Variants in RBMS3 observed in about 807,000 individuals in gnomAD.
RBMS3 encodes the protein RNA binding motif single stranded interacting protein 3.
RBMS3 carries 27 observed loss-of-function variants against 66.8 expected under a neutral mutation model. The ratio of observed to expected loss-of-function variants is 0.40; its 90% CI spans 0.30 to 0.56. RBMS3 has a LOEUF of 0.56. Ranked by LOEUF, RBMS3 falls within the 20% of genes least tolerant of loss-of-function variation. The probability of loss-of-function intolerance (pLI) is 0.40; values close to 1 mark genes in which losing one functional copy is unlikely to be tolerated. For synonymous variants in RBMS3, 188 were observed against 183.0 expected (o/e 1.03, Z -0.22); for missense variants, 513 against 549.5 (o/e 0.93, Z 0.66).
At chr3:29,545,785 T>C (rs1360808972) in intron 3 of RBMS3, among the ~76,000 whole-genome samples, 1 of 152,180 alleles carries the variant, frequency 6.6e-6, no homozygotes, top group Non-Finnish European at 1.5e-5. Flanking sequence ...GAGAAGAAAA[T>C]ATCTCACAAG....
intron 1 of RBMS3, among the ~76,000 whole-genome samples, chr3:29,401,754 A>T (rs1440816972): frequency 1.3e-5 from 2 of 152,058 alleles, no homozygotes; most frequent in Non-Finnish European, 2.9e-5. Flanking sequence ...ATTTAATTTT[A>T]TTTAAACTTT....
At chr3:29,949,579 T>C (rs1695543153) in intron 12 of RBMS3, among the ~76,000 whole-genome samples, 1 of 151,788 alleles carries the variant, frequency 6.6e-6, no homozygotes, top group Admixed American at 6.6e-5. Flanking sequence ...CCCTTAAAAT[T>C]CGCATTTTTG....
intron 3 of RBMS3, among the ~76,000 whole-genome samples, chr3:29,554,952 T>C (rs940682866): frequency 1.3e-5 from 2 of 152,138 alleles, no homozygotes; most frequent in Admixed American, 1.3e-4. Context: ...TGCATTGATA[T>C]GAAGCAAGGT....
intron 3 of RBMS3, among the ~76,000 whole-genome samples, chr3:29,526,499 C>T (rs991051980): frequency 1.7e-5 from 2 of 116,970 alleles, no homozygotes; most frequent in African/African-American, 6.6e-5. Flanking sequence ...CCAGCCTGGA[C>T]GACAGAGCGA....
At chr3:29,635,966 A>G (rs2049457630) in intron 4 of RBMS3, among the ~76,000 whole-genome samples, 1 of 151,670 alleles carries the variant, frequency 6.6e-6, no homozygotes, top group Non-Finnish European at 1.5e-5. Context: ...TTACAATACC[A>G]TAAGGCCACT....
chr3:29,559,551 A>AAAAAAAAAAAAG, intron 3 of RBMS3, among the ~76,000 whole-genome samples: 1 of 143,640 alleles, frequency 7.0e-6, no homozygotes, highest in Non-Finnish European at 1.5e-5. Context: ...AAAAAAAAAA[A>AAAAAAAAAAAAG]AACCTGACTA....
intron 4 of RBMS3, among the ~76,000 whole-genome samples, chr3:29,636,621 A>G (rs2049484258): frequency 6.6e-6 from 1 of 151,890 alleles, no homozygotes. Context: ...ATGGGTTTCT[A>G]GTTGTTGGGT....
intron 7 of RBMS3, among the ~76,000 whole-genome samples, chr3:29,878,203 C>T (rs538840117): frequency 1.3e-5 from 2 of 152,166 alleles, no homozygotes; most frequent in South Asian, 4.1e-4. Flanking sequence ...GGCGGTAGTG[C>T]TCGCTTGCCT....
intron 3 of RBMS3, among the ~76,000 whole-genome samples, chr3:29,518,973 A>G (rs573772575): frequency 1.4e-4 from 21 of 152,216 alleles, no homozygotes; most frequent in Non-Finnish European, 2.9e-4. Flanking sequence ...TAAGATCGTA[A>G]TGAACCATTT....
intron 4 of RBMS3, among the ~76,000 whole-genome samples, chr3:29,667,737 C>T (rs1366825107): frequency 6.6e-6 from 1 of 152,084 alleles, no homozygotes; most frequent in East Asian, 1.9e-4. Flanking sequence ...CCCAGTCTTT[C>T]TCTGGCTTTT....
At chr3:29,869,592 A>G (rs963508004) in intron 7 of RBMS3, among the ~76,000 whole-genome samples, 1 of 152,154 alleles carries the variant, frequency 6.6e-6, no homozygotes, top group Non-Finnish European at 1.5e-5. Context: ...ACAGCTCACT[A>G]TCCATTTACC....
At chr3:29,801,272 C>CTTTTTTTCTTTTTTTTTTTT (rs553179866) in intron 6 of RBMS3, among the ~76,000 whole-genome samples, 5 of 129,472 alleles carry the variant, frequency 3.9e-5, no homozygotes, top group African/African-American at 1.5e-4. Flanking sequence ...TGCTTTTTTT[C>CTTTTTTTCTTTTTTTTTTTT]TTTTTTTTTT....
At chr3:29,946,510 G>A (rs980289194) in intron 12 of RBMS3, among the ~76,000 whole-genome samples, 1 of 151,622 alleles carries the variant, frequency 6.6e-6, no homozygotes, top group Non-Finnish European at 1.5e-5. Flanking sequence ...AAGATGAGCA[G>A]AAAATAGACC....
intron 4 of RBMS3, among the ~76,000 whole-genome samples, chr3:29,709,827 A>G (rs1183202544): frequency 1.3e-5 from 2 of 152,236 alleles, no homozygotes; most frequent in East Asian, 3.8e-4. Flanking sequence ...TTCCTCTAAG[A>G]AAGCTATAAT....
chr3:29,508,678 A>G (rs1341075163), intron 3 of RBMS3, among the ~76,000 whole-genome samples: 3 of 151,366 alleles, frequency 2.0e-5, no homozygotes, highest in Non-Finnish European at 4.4e-5. Flanking sequence ...CTTTTTTTTT[A>G]TAGTAGAATG....
At chr3:29,418,684 A>G (rs905713476) in intron 1 of RBMS3, among the ~76,000 whole-genome samples, 7 of 152,116 alleles carry the variant, frequency 4.6e-5, no homozygotes, top group Non-Finnish European at 7.4e-5. Flanking sequence ...CTGCTGAAAT[A>G]AGGACATAAC....
intron 1 of RBMS3, among the ~76,000 whole-genome samples, chr3:29,393,975 G>T (rs1226043944): frequency 6.6e-6 from 1 of 152,144 alleles, no homozygotes; most frequent in East Asian, 1.9e-4. Context: ...ATGTCCCACT[G>T]GGCATGCATT....
chr3:29,414,607 T>G (rs2040403243), intron 1 of RBMS3, among the ~76,000 whole-genome samples: 1 of 152,234 alleles, frequency 6.6e-6, no homozygotes, highest in Non-Finnish European at 1.5e-5. Flanking sequence ...GTTACATGTT[T>G]CAGTCTTAAA....
chr3:29,314,439 T>C (rs1013148716), intron 1 of RBMS3, among the ~76,000 whole-genome samples: 2 of 151,702 alleles, frequency 1.3e-5, no homozygotes, highest in African/African-American at 4.8e-5. Context: ...AGGTCACTGC[T>C]GGAAGGCAGC....
Sources: gnomAD v4.1 joint callset for allele counts (sites outside exome capture counted in the v4.1 genomes callset) on GRCh38, gnomAD v4.1.1 for gene constraint, MANE v1.5 for transcripts, NCBI Gene and HGNC (gene_info 2026-07-23, HGNC 2026-07-21) for gene names.